The following ADARB1 variants were observed in gnomAD, a reference collection of about 807,000 sequenced individuals.
ADARB1 encodes the protein adenosine deaminase RNA specific B1.
Under a neutral mutation model 52.4 loss-of-function variants are expected in ADARB1, and 10 were observed. The ratio of observed to expected loss-of-function variants is 0.19; its 90% CI spans 0.12 to 0.32. The LOEUF is 0.32. Among genes scored for constraint, ADARB1 ranks in the 10% least tolerant of loss-of-function variants. The pLI is 1.00. For missense variants in ADARB1, 643 were observed against 922.3 expected (o/e 0.70, Z 3.92); for synonymous variants, 349 against 371.1 (o/e 0.94, Z 0.68).
Position 45,172,164 on chromosome 21 carries a change from T to C in ADARB1, c.28+480T>C, listed in dbSNP as rs1165616861. On this transcript the variant is annotated intron_variant, in intron 3 of 10. Coordinates refer to ENST00000348831, the MANE Select transcript of ADARB1 (RefSeq NM_001112.4). This position sits in a 1 kb window ranked among gnomAD's most constrained non-coding sequence, Gnocchi z 4.4. Reference sequence around the variant, plus strand: ...TCTGTTGATCTAAAGTTCGCAAAGGTGCTAATGAGAGCTGGGACTGGTGTG... The same window carrying C: ...TCTGTTGATCTAAAGTTCGCAAAGGCGCTAATGAGAGCTGGGACTGGTGTG... Among the ~76,000 whole-genome samples, 1 of 152,108 alleles carries C rather than the reference T, an allele frequency of 6.6e-6. No individual in the cohort carries two copies. Among genetic ancestry groups the C allele is most frequent in the East Asian group, 1.9e-4 (1 of 5,194 alleles).
intron 2 of ADARB1, among the ~76,000 whole-genome samples, chr21:45,164,498 A>T (rs2091155673): frequency 6.7e-6 from 1 of 148,198 alleles, no homozygotes; most frequent in Non-Finnish European, 1.5e-5. Flanking sequence ...AAACAGGGAG[A>T]CAAATTGTGG....
At chr21:45,075,520 G>A (rs2085894735) in intron 1 of ADARB1, among the ~76,000 whole-genome samples, 1 of 152,268 alleles carries the variant, frequency 6.6e-6, no homozygotes, top group South Asian at 2.1e-4. Context: ...GCCCGGGCCA[G>A]GGAAGTTCCT....
intron 1 of ADARB1, among the ~76,000 whole-genome samples, chr21:45,097,394 T>G (rs552270851): frequency 5.9e-5 from 9 of 152,102 alleles, no homozygotes; most frequent in Non-Finnish European, 1.2e-4. Context: ...CCCTGTGTGA[T>G]GTGGTACAAA....
intron 5 of ADARB1, among the ~76,000 whole-genome samples, chr21:45,181,922 A>G (rs1347773942): frequency 6.6e-6 from 1 of 152,246 alleles, no homozygotes; most frequent in Admixed American, 6.5e-5. Flanking sequence ...TACCTGCCAC[A>G]TGGTGTGCAC....
intron 1 of ADARB1, among the ~76,000 whole-genome samples, chr21:45,086,796 T>C (rs1245444909): frequency 1.3e-5 from 2 of 152,194 alleles, no homozygotes; most frequent in Non-Finnish European, 2.9e-5. Flanking sequence ...TGCGTGTGGA[T>C]GTGTATTTTC....
At chr21:45,112,690 A>T (rs970690750) in intron 1 of ADARB1, among the ~76,000 whole-genome samples, 1 of 152,146 alleles carries the variant, frequency 6.6e-6, no homozygotes, top group South Asian at 2.1e-4. Context: ...TGGGGGATGT[A>T]GGCTTGTGTT....
chr21:45,104,130 T>G (rs2087146269), intron 1 of ADARB1, among the ~76,000 whole-genome samples: 1 of 152,220 alleles, frequency 6.6e-6, no homozygotes, highest in African/African-American at 2.4e-5. Flanking sequence ...TCTGTTCCCT[T>G]CAGCGGGGTA....
intron 1 of ADARB1, among the ~76,000 whole-genome samples, chr21:45,111,462 C>T (rs747635762): frequency 6.6e-6 from 1 of 152,112 alleles, no homozygotes; most frequent in Non-Finnish European, 1.5e-5. Flanking sequence ...CCCATGTTGA[C>T]ACCTCATTAC....
chr21:45,077,011 T>A (rs2085965047), intron 1 of ADARB1, among the ~76,000 whole-genome samples: 1 of 152,218 alleles, frequency 6.6e-6, no homozygotes, highest in Admixed American at 6.5e-5. Flanking sequence ...CCCTGGGCAC[T>A]TGGTTCAAAG....
At chr21:45,130,301 ATTAT>A (rs2088850869) in intron 2 of ADARB1, among the ~76,000 whole-genome samples, 1 of 152,238 alleles carries the variant, frequency 6.6e-6, no homozygotes, top group Non-Finnish European at 1.5e-5. Context: ...GGAGAAATGA[ATTAT>A]TTATAATCCT....
intron 2 of ADARB1, among the ~76,000 whole-genome samples, chr21:45,135,750 A>G (rs758311205): frequency 9.2e-5 from 14 of 152,208 alleles, no homozygotes; most frequent in Admixed American, 1.3e-4. Flanking sequence ...ATTGGAAAAA[A>G]AACATATGAA....
At chr21:45,152,311 G>A (rs1053218147) in intron 2 of ADARB1, among the ~76,000 whole-genome samples, 28 of 133,790 alleles carry the variant, frequency 2.1e-4, no homozygotes, top group Non-Finnish European at 4.2e-4. Context: ...CACGGCTGTC[G>A]TTCTCTCCCC....
chr21:45,091,037 G>A (rs544773301), intron 1 of ADARB1, among the ~76,000 whole-genome samples: 2 of 152,342 alleles, frequency 1.3e-5, no homozygotes, highest in African/African-American at 2.4e-5. Context: ...CATATAAACT[G>A]ACATTTTTCA....
intron 2 of ADARB1, among the ~76,000 whole-genome samples, chr21:45,130,078 T>C (rs1449477057): frequency 6.6e-6 from 1 of 152,122 alleles, no homozygotes; most frequent in Admixed American, 6.5e-5. Flanking sequence ...TAATTAGTGA[T>C]AGGAAATCAG....
intron 9 of ADARB1, among the ~76,000 whole-genome samples, chr21:45,217,906 C>T (rs560979585): frequency 2.0e-5 from 3 of 152,200 alleles, no homozygotes; most frequent in South Asian, 2.1e-4. Context: ...TTGTTGTTTG[C>T]GTTGTTTCCA....
chr21:45,113,386 G>C (rs2087641645), intron 1 of ADARB1, among the ~76,000 whole-genome samples: 1 of 151,984 alleles, frequency 6.6e-6, no homozygotes, highest in African/African-American at 2.4e-5. Context: ...TCGTGCCACT[G>C]TACTCCAGCC....
chr21:45,180,211 C>T (rs2838803), intron 4 of ADARB1, 119 bp from the exon 5 acceptor site: 468,776 of 715,072 alleles, frequency 0.66, 155,027 homozygotes, highest in African/African-American at 0.81. Flanking sequence ...CCTGTGTGGT[C>T]TTCCAGATGA....
At position 45,133,938 on chromosome 21, in the gene ADARB1, G is replaced by T. The variant is rs1197652069; in HGVS notation, c.-48+5365G>T. ...CGACAGTGGTGTGTGCGCCCGACGG[G>T]GGTGTGTGCCCGACAGTGGTGTGTG... On this transcript the variant is annotated intron_variant, in intron 2 of 10. Transcript: ENST00000348831. 1.3e-4 allele frequency among the ~76,000 whole-genome samples: 15 copies of T among 119,474 alleles called. No homozygotes were observed. In the South Asian group the frequency reaches 1.8e-3, roughly 15 times the overall value. 78.4% of individuals were successfully genotyped at this position (119,474 alleles called of 152,430 possible). A position where few individuals can be genotyped will look rare whatever the true frequency, so the allele number is the denominator to read the frequency against.
rs974725654 is a variant in ADARB1, at chr21:45,224,061, C to T, written c.*1864C>T. 10 of 985,444 alleles carry T rather than the reference C, an allele frequency of 1.0e-5. No individual in the cohort carries two copies. Among genetic ancestry groups the T allele is most frequent in the African/African-American group, 1.7e-5 (1 of 57,344 alleles). 61.0% of individuals were successfully genotyped at this position (985,444 alleles called of 1,614,324 possible). Reference sequence around the variant, plus strand: ...CTGCAGAAGGAGAGGGGTCTGTTGTCGCTGGCTTTCCCCCAAGCAGGCTCT... The same window carrying T: ...CTGCAGAAGGAGAGGGGTCTGTTGTTGCTGGCTTTCCCCCAAGCAGGCTCT... On this transcript the variant is annotated 3_prime_UTR_variant, in exon 11 of 11. Transcript: ENST00000348831.
Sources: allele counts gnomAD v4.1 joint callset (sites outside exome capture counted in the v4.1 genomes callset), GRCh38; gene constraint gnomAD v4.1.1; non-coding constraint Gnocchi (gnomAD v3.1); transcripts MANE v1.5; gene names NCBI Gene and HGNC (gene_info 2026-07-23, HGNC 2026-07-21).